The following SYT16 variants were observed in gnomAD, a reference collection of about 807,000 sequenced individuals.
SYT16 encodes synaptotagmin-16.
SYT16 carries 42 observed loss-of-function variants against 61.4 expected under a neutral mutation model. The ratio of observed to expected loss-of-function variants is 0.68; its 90% CI spans 0.53 to 0.89. The LOEUF is 0.89. Among genes scored for constraint, SYT16 ranks in the 40% least tolerant of loss-of-function variants. The pLI is 0.00. For synonymous variants in SYT16, 314 were observed against 302.3 expected (o/e 1.04, Z -0.40); for missense variants, 804 against 807.3 (o/e 1.00, Z 0.05).
At chr14:61,818,323 G>A (rs2045505594) in intron 1 of SYT16, among the ~76,000 whole-genome samples, 1 of 152,278 alleles carries the variant, frequency 6.6e-6, no homozygotes, top group East Asian at 1.9e-4. Context: ...CTGCCCCTCT[G>A]TGCATACTTC....
chr14:61,991,330 T>TTGTG (rs71117861), intron 2 of SYT16, among the ~76,000 whole-genome samples: 8,739 of 146,334 alleles, frequency 0.06, 292 homozygotes, highest in African/African-American at 0.1. Context: ...TGTTTTTCAT[T>TTGTG]TGTGTGTGTG....
intron 3 of SYT16, among the ~76,000 whole-genome samples, chr14:62,017,524 C>A (rs999489797): frequency 1.3e-5 from 2 of 152,186 alleles, no homozygotes; most frequent in Non-Finnish European, 2.9e-5. Context: ...TTATGCTTAT[C>A]TCTAAATAGC....
rs139241251 is a variant in SYT16, at chr14:61,966,745, A to G, written c.-324-3387A>G. ...TTATAAGATGAAGATGTTTCTGCTT[A>G]TACATGAATCCTCTTTTTCCTAAGA... On this transcript the variant is annotated intron_variant, in intron 1 of 7. Coordinates refer to ENST00000683842, the MANE Select transcript of SYT16 (RefSeq NM_001367656.1). Among the ~76,000 whole-genome samples the G allele has an allele frequency of 3.3e-3, 497 of 152,346 alleles. 2 individuals are homozygous for G. Among genetic ancestry groups the G allele is most frequent in the Middle Eastern group, 0.014 (4 of 294 alleles).
intron 3 of SYT16, among the ~76,000 whole-genome samples, chr14:62,000,506 G>A (rs888732395): frequency 2.6e-5 from 4 of 151,844 alleles, no homozygotes; most frequent in African/African-American, 9.7e-5. Context: ...AATATGACAA[G>A]CTTCCACTTT....
At chr14:62,022,835 G>T (rs1027688204) in intron 3 of SYT16, among the ~76,000 whole-genome samples, 1 of 152,042 alleles carries the variant, frequency 6.6e-6, no homozygotes, top group African/African-American at 2.4e-5. Context: ...ACTGTGCAAA[G>T]CTATCAATTG....
rs1468659292 is a variant in SYT16 at position 62,080,996 on chromosome 14, A to G, written c.1156A>G (p.Asn386Asp). 1 of 1,613,192 alleles carries G rather than the reference A, an allele frequency of 6.2e-7. No homozygotes were observed. Among genetic ancestry groups the G allele is most frequent in the Non-Finnish European group, 8.5e-7 (1 of 1,179,620 alleles). The change falls in exon 6 of 8, where the codon AAC becomes GAC. Residue 386 changes from asparagine (N) to aspartate (D), a missense_variant. Transcript: ENST00000683842. ...CCCAGATAAGGACCGAAGTGGTGTCAACTCCTGGCAAGTTCATGTAGTGCT... is the reference window on the plus strand; with the variant it reads ...CCCAGATAAGGACCGAAGTGGTGTCGACTCCTGGCAAGTTCATGTAGTGCT... ...GLPDKDRSGV[N>D]SWQVHVVLLP... is the part of the protein sequence containing the mutation.
intron 1 of SYT16, among the ~76,000 whole-genome samples, chr14:61,912,429 G>A (rs1217728874): frequency 6.6e-6 from 1 of 152,168 alleles, no homozygotes; most frequent in Non-Finnish European, 1.5e-5. Flanking sequence ...GAGTCAATTT[G>A]TATTATCCTA....
chr14:62,048,527 T>A (rs1377735718), intron 3 of SYT16, among the ~76,000 whole-genome samples: 2 of 152,234 alleles, frequency 1.3e-5, no homozygotes, highest in Admixed American at 6.5e-5. Context: ...AGCTTTTGAA[T>A]GTGTTTGCTC....
chr14:62,056,262 G>T (rs2055549403), intron 3 of SYT16, among the ~76,000 whole-genome samples: 2 of 152,194 alleles, frequency 1.3e-5, no homozygotes, highest in South Asian at 4.2e-4. Flanking sequence ...CTTGGGCAAG[G>T]GTGTCACCAG....
In SYT16 at chr14:61,995,997, C is replaced by T. The variant is rs1271843276; in HGVS notation, c.-23C>T. 3 of 1,559,132 alleles carry T rather than the reference C, an allele frequency of 1.9e-6. No homozygotes were observed. Among genetic ancestry groups the T allele is most frequent in the African/African-American group, 2.7e-5 (2 of 73,098 alleles). On this transcript the variant is annotated 5_prime_UTR_variant, in exon 3 of 8. Coordinates refer to ENST00000683842, the MANE Select transcript of SYT16 (RefSeq NM_001367656.1). ...ACTGAAGGAACTGAACAACTGGACACTGTAGACATCAGATAGCTGGCCATG... is the reference window on the plus strand; with the variant it reads ...ACTGAAGGAACTGAACAACTGGACATTGTAGACATCAGATAGCTGGCCATG...
intron 1 of SYT16, among the ~76,000 whole-genome samples, chr14:61,875,312 T>A (rs762019524): frequency 6.6e-6 from 1 of 152,138 alleles, no homozygotes; most frequent in Non-Finnish European, 1.5e-5. Context: ...CTTTCTATGT[T>A]TGGTTACATT....
chr14:61,934,946 G>A (rs138824793), intron 1 of SYT16, among the ~76,000 whole-genome samples: 6 of 152,234 alleles, frequency 3.9e-5, no homozygotes, highest in East Asian at 1.9e-4. Context: ...ACAGTTTTGC[G>A]AAAGAGTATT....
chr14:61,820,268 A>T (rs1008331091), intron 1 of SYT16, among the ~76,000 whole-genome samples: 16 of 152,200 alleles, frequency 1.1e-4, no homozygotes, highest in African/African-American at 3.9e-4. Context: ...CAACTTGTAG[A>T]AACCTTGGGA....
chr14:61,877,319 G>A (rs2047535116), intron 1 of SYT16, among the ~76,000 whole-genome samples: 1 of 152,178 alleles, frequency 6.6e-6, no homozygotes, highest in Admixed American at 6.5e-5. Context: ...CACTCCCACA[G>A]TCCGACAGTT....
In SYT16 at chr14:61,836,201, C is replaced by A. The variant is rs74057512; in HGVS notation, c.-325+23391C>A. Among the ~76,000 whole-genome samples, 807 of 152,322 alleles carry A rather than the reference C, an allele frequency of 5.3e-3. 5 individuals are homozygous for A. Among genetic ancestry groups the A allele is most frequent in the African/African-American group, 0.018 (767 of 41,570 alleles). Reference sequence around the variant, plus strand: ...TCTTTACTCCTGTATCCTTCATACACATCATAGAAATTGAATTCCTGGGGG... The same window carrying A: ...TCTTTACTCCTGTATCCTTCATACAAATCATAGAAATTGAATTCCTGGGGG... On this transcript the variant is annotated intron_variant, in intron 1 of 7. Coordinates refer to ENST00000683842, the MANE Select transcript of SYT16 (RefSeq NM_001367656.1).
intron 3 of SYT16, among the ~76,000 whole-genome samples, chr14:62,043,099 CTTT>C (rs58063130): frequency 7.3e-5 from 10 of 137,040 alleles, no homozygotes; most frequent in Non-Finnish European, 1.1e-4. Context: ...TGTGGTTTCT[CTTT>C]TTTTTTTTTT....
chr14:61,957,013 TAA>T (rs1037770159), intron 1 of SYT16, among the ~76,000 whole-genome samples: 1 of 151,936 alleles, frequency 6.6e-6, no homozygotes, highest in Non-Finnish European at 1.5e-5. Context: ...TTTCCATGTA[TAA>T]GTCTTTCACC....
intron 3 of SYT16, among the ~76,000 whole-genome samples, chr14:62,015,836 A>G (rs1395635972): frequency 6.6e-6 from 1 of 152,176 alleles, no homozygotes; most frequent in Non-Finnish European, 1.5e-5. Flanking sequence ...TCCATGAGCC[A>G]CTCAGTTTAT....
chr14:61,987,248 G>A lies in SYT16; in HGVS notation c.-144-8628G>A, dbSNP rs534705792. Among the ~76,000 whole-genome samples, 3 of 152,254 alleles carry A rather than the reference G, an allele frequency of 2.0e-5. No individual in the cohort carries two copies. The South Asian group carries it at 6.2e-4, about 32-fold the overall frequency. The stretch of plus-strand genomic sequence containing the variant: ...GAGGAGCCTGAGCAACTAAAAGGAG[G>A]AGGTGAGATGCCCCAGCCTGGAGAG... On this transcript the variant is annotated intron_variant, in intron 2 of 7. Coordinates refer to ENST00000683842, the MANE Select transcript of SYT16 (RefSeq NM_001367656.1).
Sources: allele counts gnomAD v4.1 joint callset (sites outside exome capture counted in the v4.1 genomes callset), GRCh38; gene constraint gnomAD v4.1.1; transcripts MANE v1.5; gene names NCBI Gene and HGNC (gene_info 2026-07-23, HGNC 2026-07-21).